The following AKAP10 variants were observed in gnomAD, a reference collection of about 807,000 sequenced individuals.
AKAP10 encodes A-kinase anchoring protein 10, also known as A-kinase anchor protein 10, mitochondrial.
Under a neutral mutation model 80.8 loss-of-function variants are expected in AKAP10, and 24 were observed. That is an observed-to-expected ratio of 0.30 (90% CI 0.22 to 0.42). The LOEUF is 0.42. Ranked by LOEUF, AKAP10 falls within the 10% of genes least tolerant of loss-of-function variation. AKAP10 has a pLI of 1.00. For synonymous variants in AKAP10, 291 were observed against 277.7 expected (o/e 1.05, Z -0.48); for missense variants, 661 against 794.9 (o/e 0.83, Z 2.03).
At chr17:19,917,200 G>A (rs1360114250) in intron 12 of AKAP10, among the ~76,000 whole-genome samples, 1 of 151,948 alleles carries the variant, frequency 6.6e-6, no homozygotes, top group African/African-American at 2.4e-5. Context: ...GGGAGGCAGA[G>A]CTTGCAGTGA....
At chr17:19,959,986 C>T (rs1305172105) in intron 3 of AKAP10, among the ~76,000 whole-genome samples, 1 of 152,180 alleles carries the variant, frequency 6.6e-6, no homozygotes, top group Non-Finnish European at 1.5e-5. Flanking sequence ...GTCGCTCACG[C>T]CTGTAATTCC....
intron 12 of AKAP10, among the ~76,000 whole-genome samples, chr17:19,916,720 G>A (rs550450315): frequency 6.0e-5 from 9 of 150,712 alleles, no homozygotes; most frequent in Non-Finnish European, 1.0e-4. Context: ...GGCGGATCAC[G>A]ACATCAGGAG....
chr17:19,941,157 C>A, intron 6 of AKAP10, 147 bp from the exon 7 acceptor site: 1 of 827,464 alleles, frequency 1.2e-6, no homozygotes, highest in Non-Finnish European at 1.8e-6. Context: ...TTCCTGATTC[C>A]TTTACCTGTA....
At chr17:19,965,755 G>T (rs1383526631) in intron 2 of AKAP10, among the ~76,000 whole-genome samples, 1 of 152,000 alleles carries the variant, frequency 6.6e-6, no homozygotes, top group African/African-American at 2.4e-5. Context: ...CACTCAGTTT[G>T]ACTAATTCAA....
intron 4 of AKAP10, among the ~76,000 whole-genome samples, chr17:19,951,931 C>G (rs1178641868): frequency 3.3e-5 from 4 of 121,104 alleles, no homozygotes; most frequent in African/African-American, 6.1e-5. Context: ...AAAAAAAAAG[C>G]AAAAAAGGGG....
chr17:19,946,937 A>G (rs1435897194), intron 5 of AKAP10, among the ~76,000 whole-genome samples: 2 of 152,194 alleles, frequency 1.3e-5, no homozygotes, highest in Non-Finnish European at 2.9e-5. Flanking sequence ...AGAGGCCACC[A>G]CTGAGACACC....
chr17:19,944,020 T>C (rs1321657788), intron 5 of AKAP10, among the ~76,000 whole-genome samples: 3 of 152,028 alleles, frequency 2.0e-5, no homozygotes, highest in African/African-American at 7.3e-5. Context: ...ATCTCCTTTC[T>C]CAAATATTTA....
intron 1 of AKAP10, among the ~76,000 whole-genome samples, chr17:19,969,319 T>A (rs1183721590): frequency 6.6e-6 from 1 of 152,152 alleles, no homozygotes; most frequent in Non-Finnish European, 1.5e-5. Context: ...TACTCCAGCC[T>A]GGGAGACAAA....
intron 6 of AKAP10, among the ~76,000 whole-genome samples, chr17:19,941,466 CCTAA>C (rs1597506620): frequency 6.6e-6 from 1 of 152,088 alleles, no homozygotes; most frequent in South Asian, 2.1e-4. Flanking sequence ...TAGCTTAAAG[CCTAA>C]CTAACAAATT....
At chr17:19,912,270 C>T (rs542270171) in intron 12 of AKAP10, among the ~76,000 whole-genome samples, 7 of 152,236 alleles carry the variant, frequency 4.6e-5, no homozygotes, top group South Asian at 2.1e-4. Context: ...CAAAAATAGG[C>T]GTGTGCCAAT....
rs377671993 is a variant in AKAP10 at position 19,911,695 on chromosome 17, C to T, written c.1835-1717G>A. On this transcript the variant is annotated intron_variant, in intron 12 of 14. Transcript: ENST00000225737. ...TACTAAAAATACAAAATTAGCCAGG[C>T]GTGGTGGTGCATGGCTGTAATCCCA... Among the ~76,000 whole-genome samples, 510 of 151,400 alleles carry T rather than the reference C, an allele frequency of 3.4e-3. 2 individuals carry two copies. Among genetic ancestry groups the T allele is most frequent in the African/African-American group, 0.011 (458 of 41,272 alleles).
At chr17:19,946,245 A>ATATATATATAT (rs2043116794) in intron 5 of AKAP10, among the ~76,000 whole-genome samples, 3 of 13,810 alleles carry the variant, frequency 2.2e-4, no homozygotes, top group African/African-American at 9.4e-4. Context: ...TATTATATAT[A>ATATATATATAT]TATATATATA....
chr17:19,960,814 T>TTC (rs2152418093), intron 3 of AKAP10, among the ~76,000 whole-genome samples: 1 of 146,998 alleles, frequency 6.8e-6, no homozygotes, highest in East Asian at 2.1e-4. Context: ...TCACCTGAGG[T>TTC]CAGGAGTTCA....
chr17:19,965,042 T>C (rs2152418726), intron 2 of AKAP10, among the ~76,000 whole-genome samples: 1 of 152,364 alleles, frequency 6.6e-6, no homozygotes, highest in South Asian at 2.1e-4. Flanking sequence ...TATCTGTGAC[T>C]TGTCTTTGAC....
chr17:19,974,548 G>T (rs1399226008), intron 1 of AKAP10, among the ~76,000 whole-genome samples: 1 of 152,112 alleles, frequency 6.6e-6, no homozygotes, highest in Non-Finnish European at 1.5e-5. Context: ...CCTAAAGTTG[G>T]ATATACCAGT....
At chr17:19,961,786 C>T (rs2043352437) in intron 3 of AKAP10, among the ~76,000 whole-genome samples, 1 of 152,126 alleles carries the variant, frequency 6.6e-6, no homozygotes, top group Admixed American at 6.5e-5. Flanking sequence ...TTAAACATGC[C>T]TTAGACATTT....
At chr17:19,916,586 A>G (rs968263343) in intron 12 of AKAP10, among the ~76,000 whole-genome samples, 6 of 152,038 alleles carry the variant, frequency 3.9e-5, no homozygotes, top group Non-Finnish European at 5.9e-5. Flanking sequence ...ACACATATAC[A>G]TATGAAGCAG....
chr17:19,921,380 G>A (rs2042813774), intron 11 of AKAP10, among the ~76,000 whole-genome samples: 1 of 151,894 alleles, frequency 6.6e-6, no homozygotes, highest in African/African-American at 2.4e-5. Context: ...TGGCCAGGGT[G>A]GTCTCGATCT....
chr17:19,917,484 T>C (rs1008690649), intron 12 of AKAP10, among the ~76,000 whole-genome samples: 17 of 152,170 alleles, frequency 1.1e-4, no homozygotes, highest in African/African-American at 4.1e-4. Context: ...TGTTTTGTTT[T>C]TTAGAGACAT....
Sources: gnomAD v4.1 joint callset for allele counts (sites outside exome capture counted in the v4.1 genomes callset) on GRCh38, gnomAD v4.1.1 for gene constraint, MANE v1.5 for transcripts, NCBI Gene and HGNC (gene_info 2026-07-23, HGNC 2026-07-21) for gene names.